UTP20: variants seen among roughly 807,000 people sequenced by gnomAD.
The protein encoded by UTP20 is small subunit processome component 20 homolog.
A neutral mutation model predicts 329.5 loss-of-function variants in UTP20; 164 were observed. The observed-to-expected ratio is 0.50, with a 90% CI of 0.44 to 0.57. UTP20 has a LOEUF of 0.57. UTP20 is among the 20% of genes least tolerant of loss of function. The probability of loss-of-function intolerance (pLI) is 0.00; values close to 1 mark genes in which losing one functional copy is unlikely to be tolerated. For missense variants in UTP20, 3,055 were observed against 3,284.2 expected (o/e 0.93, Z 1.71); for synonymous variants, 1,151 against 1,159.3 (o/e 0.99, Z 0.14).
intron 32 of UTP20, among the ~76,000 whole-genome samples, chr12:101,342,138 C>T (rs1387710665): frequency 2.0e-5 from 3 of 151,876 alleles, no homozygotes; most frequent in South Asian, 2.1e-4. Context: ...CCTTGGATAC[C>T]GAGGGACGAC....
At chr12:101,300,431 G>C (rs146886412) in intron 14 of UTP20, among the ~76,000 whole-genome samples, 1 of 152,222 alleles carries the variant, frequency 6.6e-6, no homozygotes, top group East Asian at 1.9e-4. Context: ...ACATTCTTTT[G>C]CAACTTTTAC....
intron 38 of UTP20, among the ~76,000 whole-genome samples, chr12:101,347,415 C>T (rs528115213): frequency 2.0e-5 from 3 of 151,980 alleles, no homozygotes; most frequent in East Asian, 1.9e-4. Context: ...CCCAGCTACT[C>T]GGGAGGCTGA....
chr12:101,372,841 G>A, intron 51 of UTP20, 43 bp from the exon 52 acceptor site: 1 of 1,503,790 alleles, frequency 6.6e-7, no homozygotes, highest in Non-Finnish European at 9.3e-7. Context: ...AGGAATACTA[G>A]AGGTGAGATC....
rs76147662 is a variant in UTP20 at position 101,357,727 on chromosome 12, C to G, written c.5691+645C>G. Among the ~76,000 whole-genome samples, 550 of 152,286 alleles carry G rather than the reference C, an allele frequency of 3.6e-3. 3 individuals carry two copies. Among genetic ancestry groups the G allele is most frequent in the African/African-American group, 0.013 (530 of 41,554 alleles). On this transcript the variant is annotated intron_variant, in intron 43 of 61. Coordinates refer to ENST00000261637, the MANE Select transcript of UTP20 (RefSeq NM_014503.3). ...TGTGATCATGCCACAGAACTCCAGC[C>G]TGGGCTGCAGAGTGAAACCCTGTCT... is the stretch of plus-strand genomic sequence containing the variant.
rs143832042 is a variant in UTP20 at position 101,299,721 on chromosome 12, A to T, written c.1470A>T (p.Arg490Ser). 3.3e-4 allele frequency: 534 copies of T among 1,606,638 alleles called. 2 individuals are homozygous for T. The African/African-American group carries it at 6.4e-3, about 19-fold the overall frequency. ...IKQKKTRSKG[R>S]NEQFPVLDHL... is the part of the protein sequence containing the mutation. ...AGAAGAAGACTAGATCCAAGGGAAG[A>T]AACGAACAGTTTCCAGTATTGGACC... Residue 490 changes from arginine to serine, a missense_variant, in exon 13 of 62, where the codon AGA (arginine) becomes AGT (serine). Physicochemically the swap from Arg to Ser is moderately radical, Grantham distance 110 (BLOSUM62 -1). Coordinates refer to ENST00000261637, the MANE Select transcript of UTP20 (RefSeq NM_014503.3).
chr12:101,286,049 G>A (rs1175218148), intron 4 of UTP20, among the ~76,000 whole-genome samples, 168 bp downstream of exon 4: 2 of 151,910 alleles, frequency 1.3e-5, no homozygotes, highest in East Asian at 3.9e-4. Context: ...GGAATCTTGG[G>A]GTATAATTTC....
At chr12:101,361,936 T>C (rs372348873) in intron 43 of UTP20, 26 bp from the exon 44 acceptor site, 78 of 1,561,308 alleles carry the variant, frequency 5.0e-5, no homozygotes, top group Non-Finnish European at 6.4e-5. Flanking sequence ...TTAATATTCA[T>C]GTTGTTGCTG....
chr12:101,342,956 C>G lies in UTP20; in HGVS notation c.4312C>G (p.Gln1438Glu), dbSNP rs752516463. The G allele has an allele frequency of 2.5e-6, 4 of 1,613,342 alleles. No individual in the cohort carries two copies. Among genetic ancestry groups the G allele is most frequent in the Non-Finnish European group, 3.4e-6 (4 of 1,179,838 alleles). ...TDVVKLNAFD[Q>E]RHLDDINFDV... ...TTTCTTATAGCTTAACGCCTTCGATCAAAGACATCTTGATGATATCAACTT... is the reference window on the plus strand; with the variant it reads ...TTTCTTATAGCTTAACGCCTTCGATGAAAGACATCTTGATGATATCAACTT... Residue 1438 changes from glutamine to glutamate, a missense_variant, in exon 35 of 62, where the codon CAA becomes GAA. Gln to Glu is a conservative substitution (Grantham distance 29). Transcript: ENST00000261637.
chr12:101,368,900 C>G (rs1459262242), intron 48 of UTP20, among the ~76,000 whole-genome samples: 2 of 150,608 alleles, frequency 1.3e-5, no homozygotes, highest in East Asian at 3.9e-4. Context: ...TCTTCTGTGT[C>G]TTAATCCAGC....
intron 31 of UTP20, 135 bp from the exon 32 acceptor site, chr12:101,340,388 C>T: frequency 1.7e-6 from 1 of 572,506 alleles, no homozygotes; most frequent in Admixed American, 3.2e-5. Context: ...TATACATGCA[C>T]ACATACTTAA....
In UTP20 at chr12:101,333,430, G is replaced by A. The variant is rs1378415528; in HGVS notation, c.3547G>A (p.Ala1183Thr). The A allele has an allele frequency of 6.2e-7, 1 of 1,613,452 alleles. No homozygotes were observed. The highest frequency in any genetic ancestry group is 2.2e-5 in the East Asian group (1 of 44,848). The stretch of plus-strand genomic sequence containing the variant: ...AGAAATTGATGCTGTGTTTCATGGT[G>A]CAGTTTGGCCCCAGGTAAACCTCAA... ...TEEIDAVFHG[A>T]VWPQISRLGS... Residue 1183 changes from alanine to threonine, a missense_variant, in exon 28 of 62, where the codon GCA becomes ACA. Around this residue, in one of 3 missense-constraint regions of UTP20, gnomAD observed 2,445 missense variants for 2,575.5 expected, o/e 0.95. Coordinates refer to ENST00000261637, the MANE Select transcript of UTP20 (RefSeq NM_014503.3).
intron 43 of UTP20, among the ~76,000 whole-genome samples, chr12:101,358,698 A>T (rs1044021180): frequency 2.6e-5 from 4 of 152,170 alleles, no homozygotes; most frequent in Non-Finnish European, 4.4e-5. Context: ...TCCTTTAAAA[A>T]TATTGTTCTA....
chr12:101,285,709 G>C (rs200532182), intron 3 of UTP20, 40 bp from the exon 4 acceptor site: 1 of 1,613,038 alleles, frequency 6.2e-7, no homozygotes, highest in African/African-American at 1.3e-5. Flanking sequence ...CTGAATAGTG[G>C]TGTGATAGAA....
At chr12:101,297,660 T>G (rs1182546187) in intron 12 of UTP20, among the ~76,000 whole-genome samples, 4 of 152,182 alleles carry the variant, frequency 2.6e-5, no homozygotes, top group African/African-American at 9.7e-5. Context: ...ATAGAATTAT[T>G]CCTTTGAAAC....
At chr12:101,384,128 AG>A (rs1277120070) in intron 60 of UTP20, among the ~76,000 whole-genome samples, 1 of 152,246 alleles carries the variant, frequency 6.6e-6, no homozygotes, top group African/African-American at 2.4e-5. Flanking sequence ...CTCACATAAA[AG>A]ATGATGCTTT....
intron 2 of UTP20, among the ~76,000 whole-genome samples, chr12:101,281,397 C>A (rs769561506): frequency 6.6e-6 from 1 of 152,172 alleles, no homozygotes; most frequent in Non-Finnish European, 1.5e-5. Context: ...TGGCTAGTTG[C>A]TAACATATTG....
intron 56 of UTP20, among the ~76,000 whole-genome samples, chr12:101,378,802 G>C (rs1870555041): frequency 6.6e-6 from 1 of 152,134 alleles, no homozygotes; most frequent in South Asian, 2.1e-4. Context: ...TATGGAACTG[G>C]TCTGTTTGAG....
chr12:101,303,709 G>A (rs1387253122), intron 15 of UTP20, among the ~76,000 whole-genome samples: 1 of 152,122 alleles, frequency 6.6e-6, no homozygotes, highest in Non-Finnish European at 1.5e-5. Flanking sequence ...CTGAATGAAA[G>A]GGGAGGCCAT....
Position 101,302,555 on chromosome 12 carries a change from T to C in UTP20, c.1781+2T>C, listed in dbSNP as rs1230531820. The C allele has an allele frequency of 1.3e-6, 2 of 1,571,228 alleles. No homozygotes were observed. Among genetic ancestry groups the C allele is most frequent in the Admixed American group, 1.8e-5 (1 of 54,278 alleles). On this transcript the variant is annotated splice_donor_variant, in intron 15 of 61. Transcript: ENST00000261637. LOFTEE classifies it high-confidence loss of function. ...GGAACGTGTGAAGAATTTAGTATTG[T>C]AAGTAAACATCTTCCAGTTGGTTTA...
Sources: gnomAD v4.1 joint callset for allele counts (sites outside exome capture counted in the v4.1 genomes callset) on GRCh38, gnomAD v4.1.1 for gene constraint, gnomAD v4.1.1 regional missense constraint, MANE v1.5 for transcripts, NCBI Gene and HGNC (gene_info 2026-07-23, HGNC 2026-07-21) for gene names.